Variants in RXFP2 observed in about 807,000 individuals in gnomAD.
RXFP2 encodes the protein relaxin receptor 2.
Under a neutral mutation model 88.6 loss-of-function variants are expected in RXFP2, and 68 were observed. The ratio of observed to expected loss-of-function variants is 0.77; its 90% confidence interval spans 0.63 to 0.94. The LOEUF (loss-of-function observed/expected upper bound fraction) is 0.94. Among genes scored for constraint, RXFP2 ranks in the 40% least tolerant of loss-of-function variants. RXFP2 has a pLI of 0.00. For synonymous variants in RXFP2, 329 were observed against 306.8 expected, an observed-to-expected ratio of 1.07 and a Z score of -0.76; for missense variants, 791 against 893.9, an observed-to-expected ratio of 0.88 and a Z score of 1.47.
At chr13:31,795,236 G>A (rs781390130) in intron 16 of RXFP2, among the ~76,000 whole-genome samples, 21 of 150,568 alleles carry the variant, frequency 1.4e-4, no homozygotes, top group Non-Finnish European at 3.0e-4. Context: ...TGCAACCTCC[G>A]CCTCCCAGGT....
chr13:31,793,193 T>A lies in RXFP2; in HGVS notation c.1786+105T>A, dbSNP rs547938631. On this transcript the variant is annotated intron_variant, in intron 16 of 17. Transcript: ENST00000298386. ...TGTTTCAGAAAGTGAGATAACATAG[T>A]CAAGACTGTGTCCTTTTTCACACAA... 10 of 1,034,102 alleles carry A rather than the reference T, an allele frequency of 9.7e-6. No homozygotes were observed. In the East Asian group the frequency reaches 2.3e-4, roughly 23 times the overall value. 64.1% of individuals were successfully genotyped at this position (1,034,102 alleles called of 1,614,324 possible).
intron 5 of RXFP2, 111 bp from the exon 6 acceptor site, chr13:31,774,509 G>A (rs1273648794): frequency 4.1e-6 from 3 of 738,384 alleles, no homozygotes; most frequent in East Asian, 2.5e-5. Context: ...ATAGGACTTC[G>A]TACTTCAATT....
In RXFP2 at chr13:31,796,210, C is replaced by T. The variant is rs906514642; in HGVS notation, c.1787-991C>T. Among the ~76,000 whole-genome samples, 5 of 149,464 alleles carry T rather than the reference C, an allele frequency of 3.3e-5. No individual in the cohort carries two copies. The South Asian group carries it at 6.3e-4, about 19-fold the overall frequency. ...GACTACAGGCGCCCGCCACCGCGCC[C>T]GGCTAATTTTTTGTATTTTTAGTAG... is the stretch of plus-strand genomic sequence containing the variant. On this transcript the variant is annotated intron_variant, in intron 16 of 17. Coordinates refer to ENST00000298386, the MANE Select transcript of RXFP2 (RefSeq NM_130806.5).
chr13:31,772,736 A>C (rs569216563), intron 5 of RXFP2, among the ~76,000 whole-genome samples: 1 of 152,324 alleles, frequency 6.6e-6, no homozygotes, highest in South Asian at 2.1e-4. Context: ...TTCATTATTT[A>C]AGAGTTTGAG....
At chr13:31,770,279 T>C (rs1246407613) in intron 5 of RXFP2, among the ~76,000 whole-genome samples, 1 of 152,232 alleles carries the variant, frequency 6.6e-6, no homozygotes, top group East Asian at 1.9e-4. Context: ...TGAAACCAAC[T>C]TCTTCCCTTT....
intron 11 of RXFP2, 148 bp from the exon 12 acceptor site, chr13:31,786,235 C>G (rs564901732): frequency 5.6e-6 from 4 of 708,970 alleles, no homozygotes; most frequent in Non-Finnish European, 1.0e-5. Context: ...CTGACTCATA[C>G]GGCCCTGTTG....
In RXFP2 at chr13:31,761,776, C is replaced by T. The variant is rs531281283; in HGVS notation, c.294C>T (p.Asn98=). Residue 98 remains asparagine, a synonymous_variant, in exon 3 of 18, where the codon AAC becomes AAT. Coordinates refer to ENST00000298386, the MANE Select transcript of RXFP2 (RefSeq NM_130806.5). ...TTGGCACAGTGCATGGAAATGCTAA[C>T]AGCGTGGCCTTAACACAGGAGTGCT... The part of the protein sequence containing the change: ...TIFGTVHGNA[N]SVALTQECFL... 4 of 1,612,784 alleles carry T rather than the reference C, an allele frequency of 2.5e-6. No homozygotes were observed. The African/African-American group carries it at 5.3e-5, about 21-fold the overall frequency.
chr13:31,784,938 C>G (rs376481684), intron 11 of RXFP2, among the ~76,000 whole-genome samples: 1 of 152,168 alleles, frequency 6.6e-6, no homozygotes, highest in South Asian at 2.1e-4. Context: ...CCCCAACTCC[C>G]AGGCCTTGTT....
intron 1 of RXFP2, among the ~76,000 whole-genome samples, chr13:31,747,675 G>A (rs937571329): frequency 6.6e-6 from 1 of 152,166 alleles, no homozygotes; most frequent in Admixed American, 6.5e-5. Context: ...TAGCCATTGA[G>A]AGAATCAAAA....
intron 7 of RXFP2, among the ~76,000 whole-genome samples, chr13:31,776,081 C>CT (rs1566227719): frequency 0.019 from 1,954 of 104,496 alleles, 27 homozygotes; most frequent in Middle Eastern, 0.04. Flanking sequence ...TCTTTCTTTC[C>CT]TTCCTTCTTT....
At chr13:31,756,512 G>A (rs1043999195) in intron 1 of RXFP2, among the ~76,000 whole-genome samples, 13 of 152,218 alleles carry the variant, frequency 8.5e-5, no homozygotes, top group Admixed American at 1.3e-4. Context: ...GCCAAAGTGC[G>A]TGGTTAGGAG....
intron 14 of RXFP2, 88 bp downstream of exon 14, chr13:31,789,281 G>A (rs1873693149): frequency 3.5e-6 from 3 of 867,108 alleles, no homozygotes; most frequent in Middle Eastern, 2.6e-4. Context: ...ACTGCAATGT[G>A]TTTCTATGCA....
chr13:31,782,257 C>T (rs1873319770), intron 10 of RXFP2, among the ~76,000 whole-genome samples: 1 of 152,104 alleles, frequency 6.6e-6, no homozygotes. Context: ...ATGGTTTGGT[C>T]AATCAGTGCA....
chr13:31,789,087 T>A (rs1175630843), intron 13 of RXFP2, 35 bp from the exon 14 acceptor site: 1 of 1,335,760 alleles, frequency 7.5e-7, no homozygotes, highest in East Asian at 2.3e-5. Flanking sequence ...ACGTTTCATC[T>A]CAACACCATT....
At chr13:31,787,629 TTTTCTTTCTTTC>T (rs556368750) in intron 13 of RXFP2, among the ~76,000 whole-genome samples, 2 of 151,686 alleles carry the variant, frequency 1.3e-5, no homozygotes, top group Non-Finnish European at 2.9e-5. Flanking sequence ...TCTTTAGTGT[TTTTCTTTCTTTC>T]TTTCTTTCTT....
intron 9 of RXFP2, among the ~76,000 whole-genome samples, chr13:31,779,059 G>T (rs1428132175): frequency 1.3e-5 from 2 of 150,800 alleles, no homozygotes; most frequent in African/African-American, 2.4e-5. Flanking sequence ...CCACCACACT[G>T]CCCTGTCTCA....
chr13:31,751,787 C>G (rs1209717887), intron 1 of RXFP2, among the ~76,000 whole-genome samples: 1 of 152,218 alleles, frequency 6.6e-6, no homozygotes, highest in Non-Finnish European at 1.5e-5. Context: ...TTCACAATCC[C>G]CCTTTCCATG....
intron 14 of RXFP2, 62 bp downstream of exon 14, chr13:31,789,255 A>G (rs1361550068): frequency 9.6e-7 from 1 of 1,043,058 alleles, no homozygotes; most frequent in African/African-American, 1.6e-5. Context: ...ATCTCCTGTA[A>G]ACTGTCTAAT....
intron 2 of RXFP2, among the ~76,000 whole-genome samples, chr13:31,759,978 C>T (rs1039627598): frequency 9.9e-5 from 15 of 152,278 alleles, no homozygotes; most frequent in South Asian, 4.1e-4. Flanking sequence ...GCTGTATCAC[C>T]GGTCTAGGAT....
Sources: allele counts gnomAD v4.1 joint callset (sites outside exome capture counted in the v4.1 genomes callset), GRCh38; gene constraint gnomAD v4.1.1; transcripts MANE v1.5; gene names NCBI Gene and HGNC (gene_info 2026-07-23, HGNC 2026-07-21).